The following GPR107 variants were observed in gnomAD, a reference collection of about 807,000 sequenced individuals.
GPR107 encodes the protein G protein-coupled receptor 107.
A neutral mutation model predicts 75.5 loss-of-function variants in GPR107; 31 were observed. That is an observed-to-expected ratio of 0.41 (90% CI 0.31 to 0.55). GPR107 has a LOEUF of 0.55. Ranked by LOEUF, GPR107 falls within the 20% of genes least tolerant of loss-of-function variation. The pLI, the probability that GPR107 is intolerant of heterozygous loss-of-function variation, is 0.26. For missense variants in GPR107, 572 were observed against 665.7 expected, an observed-to-expected ratio of 0.86 and a Z score of 1.55; for synonymous variants, 267 against 251.3, an observed-to-expected ratio of 1.06 and a Z score of -0.59.
chr9:130,062,148 C>T (rs921528598), intron 1 of GPR107, among the ~76,000 whole-genome samples: 1 of 151,764 alleles, frequency 6.6e-6, no homozygotes, highest in Non-Finnish European at 1.5e-5. Flanking sequence ...GGTACGGTGG[C>T]TCACACCTGT....
intron 14 of GPR107, among the ~76,000 whole-genome samples, chr9:130,120,615 G>A (rs1831524931): frequency 6.6e-6 from 1 of 152,202 alleles, no homozygotes; most frequent in Non-Finnish European, 1.5e-5. Context: ...TCAGCCTGCT[G>A]TTCACTGCCC....
chr9:130,098,196 A>G (rs1830927250), intron 9 of GPR107, among the ~76,000 whole-genome samples: 1 of 152,076 alleles, frequency 6.6e-6, no homozygotes, highest in Non-Finnish European at 1.5e-5. Flanking sequence ...AATAGTCTTA[A>G]TATGTTCTAT....
At chr9:130,057,424 C>A (rs1478396396) in intron 1 of GPR107, among the ~76,000 whole-genome samples, 1 of 151,490 alleles carries the variant, frequency 6.6e-6, no homozygotes, top group African/African-American at 2.4e-5. Context: ...GTGGCAGGAT[C>A]CCTTGAGCCT....
intron 14 of GPR107, chr9:130,108,849 G>T: frequency 2.3e-6 from 1 of 437,714 alleles, no homozygotes; most frequent in Non-Finnish European, 4.5e-6. Flanking sequence ...GTTCTTTTCA[G>T]TGGCTTTAAG....
intron 5 of GPR107, among the ~76,000 whole-genome samples, chr9:130,082,439 G>A (rs1830513799): frequency 6.6e-6 from 1 of 151,704 alleles, no homozygotes; most frequent in African/African-American, 2.4e-5. Context: ...CTTCCTGCAG[G>A]GAGCCTGAAG....
chr9:130,055,541 AAAAG>A (rs1325061025), intron 1 of GPR107, among the ~76,000 whole-genome samples: 1 of 151,922 alleles, frequency 6.6e-6, no homozygotes, highest in Non-Finnish European at 1.5e-5. Flanking sequence ...AAAAAAAAAA[AAAAG>A]AAGTGGAACT....
intron 1 of GPR107, among the ~76,000 whole-genome samples, chr9:130,068,492 T>C (rs1181601766): frequency 2.0e-5 from 3 of 152,186 alleles, no homozygotes; most frequent in African/African-American, 7.2e-5. Context: ...AATATAAGTC[T>C]GTAGACCCCC....
chr9:130,114,385 A>T (rs1831375723), intron 14 of GPR107, among the ~76,000 whole-genome samples: 1 of 151,852 alleles, frequency 6.6e-6, no homozygotes, highest in African/African-American at 2.4e-5. Flanking sequence ...ATATATACAT[A>T]TATTATTAAT....
intron 1 of GPR107, among the ~76,000 whole-genome samples, chr9:130,071,031 T>G (rs1830193277): frequency 1.2e-5 from 1 of 83,902 alleles, no homozygotes; most frequent in South Asian, 4.4e-4. Context: ...AACTTTTTTT[T>G]TTTCTTTTTT....
intron 1 of GPR107, among the ~76,000 whole-genome samples, chr9:130,062,886 A>G (rs549616964): frequency 2.0e-5 from 3 of 151,938 alleles, no homozygotes; most frequent in Non-Finnish European, 4.4e-5. Context: ...ACCACATCTG[A>G]CTAATTTTTT....
chr9:130,093,645 A>G (rs775283397), intron 9 of GPR107, among the ~76,000 whole-genome samples: 16 of 152,120 alleles, frequency 1.1e-4, no homozygotes, highest in East Asian at 1.9e-4. Flanking sequence ...AAGGAGCTAC[A>G]TAATCATGTT....
chr9:130,124,785 A>G (rs745665052), intron 14 of GPR107, 130 bp from the exon 15 acceptor site: 24 of 618,678 alleles, frequency 3.9e-5, no homozygotes, highest in Non-Finnish European at 5.4e-5. Flanking sequence ...TTCCAGATAG[A>G]TGGATGTGCC....
chr9:130,090,788 A>G (rs543045312), intron 7 of GPR107, 88 bp from the exon 8 acceptor site: 5 of 566,660 alleles, frequency 8.8e-6, no homozygotes, highest in East Asian at 6.2e-5. Flanking sequence ...ACAAAAAAGT[A>G]AACAATACTT....
chr9:130,071,824 A>G (rs1313725653), intron 1 of GPR107, among the ~76,000 whole-genome samples: 1 of 151,152 alleles, frequency 6.6e-6, no homozygotes, highest in Non-Finnish European at 1.5e-5. Flanking sequence ...GCTGGGATTA[A>G]CAGATGCCTG....
rs1831842999 is a variant in GPR107 at position 130,132,191 on chromosome 9, G to A, written c.1563-2834G>A. Among the ~76,000 whole-genome samples, 5 of 152,096 alleles carry A rather than the reference G, an allele frequency of 3.3e-5. No individual in the cohort carries two copies. In the South Asian group the frequency reaches 8.3e-4, roughly 25 times the overall value. ...TGAGCTGCCCTGGGAATACAGGTGT[G>A]CCCAGCCCTTCCTGTCCATTCTCCC... On this transcript the variant is annotated intron_variant, in intron 17 of 17. Coordinates refer to ENST00000347136, the MANE Select transcript of GPR107 (RefSeq NM_020960.5).
intron 14 of GPR107, among the ~76,000 whole-genome samples, chr9:130,123,529 T>G (rs141314455): frequency 7.4e-5 from 1 of 13,450 alleles, no homozygotes; most frequent in Non-Finnish European, 1.5e-4. Flanking sequence ...TCTTTTCTTT[T>G]CTTTTTTTTT....
chr9:130,099,557 A>G (rs1830963434), intron 10 of GPR107, 25 bp downstream of exon 10: 2 of 1,332,714 alleles, frequency 1.5e-6, no homozygotes, highest in Non-Finnish European at 2.2e-6. Context: ...TTTGAGGATC[A>G]TTCATGAAAT....
chr9:130,121,359 A>G (rs1317345092), intron 14 of GPR107, among the ~76,000 whole-genome samples: 1 of 152,232 alleles, frequency 6.6e-6, no homozygotes, highest in Non-Finnish European at 1.5e-5. Context: ...TTGCAAAAAA[A>G]TCTTATAATG....
chr9:130,121,642 C>G (rs941706157), intron 14 of GPR107, among the ~76,000 whole-genome samples: 2 of 152,264 alleles, frequency 1.3e-5, no homozygotes, highest in African/African-American at 2.4e-5. Context: ...ACAGCACTCT[C>G]CGCATTGCCT....
Sources: allele counts gnomAD v4.1 joint callset (sites outside exome capture counted in the v4.1 genomes callset), GRCh38; gene constraint gnomAD v4.1.1; transcripts MANE v1.5; gene names NCBI Gene and HGNC (gene_info 2026-07-23, HGNC 2026-07-21).